The following DLG2 variants were observed in gnomAD, a reference collection of about 807,000 sequenced individuals.
DLG2 encodes discs large MAGUK scaffold protein 2.
Under a neutral mutation model 132.5 loss-of-function variants are expected in DLG2, and 45 were observed. That is an observed-to-expected ratio of 0.34 (90% CI 0.27 to 0.44). The LOEUF is 0.44. DLG2 is among the 20% of genes least tolerant of loss of function. The pLI is 1.00. For missense variants in DLG2, 1,045 were observed against 1,196.9 expected (o/e 0.87, Z 1.87); for synonymous variants, 424 against 419.6 (o/e 1.01, Z -0.13).
chr11:84,215,673 T>A (rs1311301531), intron 8 of DLG2, among the ~76,000 whole-genome samples: 1 of 152,130 alleles, frequency 6.6e-6, no homozygotes, highest in Non-Finnish European at 1.5e-5. Flanking sequence ...AGTGAGCATA[T>A]GTTAGATGAT....
At chr11:85,494,372 G>A (rs1006145124) in intron 3 of DLG2, among the ~76,000 whole-genome samples, 2 of 152,066 alleles carry the variant, frequency 1.3e-5, no homozygotes, top group Non-Finnish European at 2.9e-5. Flanking sequence ...GAACAAAATA[G>A]CTCAGTGTGT....
intron 17 of DLG2, among the ~76,000 whole-genome samples, chr11:83,830,178 TA>T (rs1403876698): frequency 1.3e-5 from 2 of 152,238 alleles, no homozygotes; most frequent in African/African-American, 4.8e-5. Flanking sequence ...ATGTTATACA[TA>T]AAAACGGATA....
At chr11:84,214,489 A>G (rs2096809271) in intron 8 of DLG2, among the ~76,000 whole-genome samples, 1 of 151,886 alleles carries the variant, frequency 6.6e-6, no homozygotes, top group African/African-American at 2.4e-5. Context: ...GTTTTTATAA[A>G]CAAATCCTCA....
At chr11:83,919,659 G>T (rs2154119530) in intron 15 of DLG2, among the ~76,000 whole-genome samples, 2 of 152,280 alleles carry the variant, frequency 1.3e-5, no homozygotes, top group East Asian at 3.9e-4. Flanking sequence ...CCTCAGAAGT[G>T]CTAACCTTAT....
chr11:83,834,672 C>T (rs1290784284), intron 16 of DLG2, among the ~76,000 whole-genome samples: 1 of 152,004 alleles, frequency 6.6e-6, no homozygotes, highest in Non-Finnish European at 1.5e-5. Context: ...TCAGAGAGGA[C>T]TATAAATACA....
intron 18 of DLG2, among the ~76,000 whole-genome samples, chr11:83,759,085 G>T (rs1462765812): frequency 6.6e-6 from 1 of 152,182 alleles, no homozygotes; most frequent in African/African-American, 2.4e-5. Flanking sequence ...GAATGAGTCA[G>T]AAAGATTCTG....
intron 7 of DLG2, among the ~76,000 whole-genome samples, chr11:84,255,904 T>C (rs1488597295): frequency 6.6e-6 from 1 of 152,126 alleles, no homozygotes; most frequent in Admixed American, 6.5e-5. Context: ...GTTTGCCTTT[T>C]ACATGACATT....
At chr11:84,843,466 C>G (rs749897869) in intron 6 of DLG2, among the ~76,000 whole-genome samples, 1 of 151,666 alleles carries the variant, frequency 6.6e-6, no homozygotes, top group Admixed American at 6.6e-5. Context: ...GTACTAAGCA[C>G]GTTAAGTACA....
At chr11:84,189,842 G>A (rs1384087143) in intron 8 of DLG2, among the ~76,000 whole-genome samples, 1 of 152,098 alleles carries the variant, frequency 6.6e-6, no homozygotes, top group Non-Finnish European at 1.5e-5. Flanking sequence ...TGGGGGGAAG[G>A]AGGGCATCAG....
intron 3 of DLG2, among the ~76,000 whole-genome samples, chr11:85,308,391 C>T (rs1596120738): frequency 6.6e-6 from 1 of 152,134 alleles, no homozygotes; most frequent in South Asian, 2.1e-4. Flanking sequence ...CAGACTAAGT[C>T]ACTAAGATTC....
At chr11:84,022,572 T>C (rs2154078864) in intron 11 of DLG2, among the ~76,000 whole-genome samples, 1 of 152,274 alleles carries the variant, frequency 6.6e-6, no homozygotes, top group Admixed American at 6.5e-5. Flanking sequence ...TTCATTCTCT[T>C]CTCCAAAGAA....
intron 6 of DLG2, among the ~76,000 whole-genome samples, chr11:84,600,277 G>A (rs547236535): frequency 1.6e-4 from 24 of 151,926 alleles, no homozygotes; most frequent in East Asian, 5.8e-4. Flanking sequence ...GCGGCAGGCC[G>A]GACACAGGGA....
intron 6 of DLG2, among the ~76,000 whole-genome samples, chr11:84,928,226 C>T (rs10792791): frequency 0.34 from 52,209 of 151,624 alleles, 9,499 homozygotes; most frequent in East Asian, 0.63. Context: ...AGAATCCTTT[C>T]TCTCTTAAAA....
chr11:84,541,222 C>T (rs1361093756), intron 6 of DLG2, among the ~76,000 whole-genome samples: 1 of 148,766 alleles, frequency 6.7e-6, no homozygotes, highest in Non-Finnish European at 1.5e-5. Flanking sequence ...AATAAAGAAA[C>T]TTTGTAAACA....
At chr11:84,918,655 A>C (rs2092610313) in intron 6 of DLG2, among the ~76,000 whole-genome samples, 1 of 152,190 alleles carries the variant, frequency 6.6e-6, no homozygotes. Context: ...GACTCCCTCC[A>C]AACTAGCTGT....
At chr11:84,602,810 C>T (rs1197148910) in intron 6 of DLG2, among the ~76,000 whole-genome samples, 2 of 151,826 alleles carry the variant, frequency 1.3e-5, no homozygotes, top group African/African-American at 4.8e-5. Context: ...ACAATTGTCA[C>T]CTCAAACATT....
intron 5 of DLG2, among the ~76,000 whole-genome samples, chr11:85,126,186 C>T (rs1477371107): frequency 6.6e-6 from 1 of 152,126 alleles, no homozygotes; most frequent in Admixed American, 6.5e-5. Flanking sequence ...GGGAAGGTAA[C>T]ACAGATTTAA....
intron 3 of DLG2, among the ~76,000 whole-genome samples, chr11:85,362,734 T>C (rs1402689560): frequency 6.6e-6 from 1 of 152,174 alleles, no homozygotes; most frequent in African/African-American, 2.4e-5. Context: ...CTTTTTTATC[T>C]TTGACCTCTC....
chr11:85,224,401 C>T (rs1031867756), intron 4 of DLG2, among the ~76,000 whole-genome samples: 3 of 152,138 alleles, frequency 2.0e-5, no homozygotes, highest in African/African-American at 4.8e-5. Context: ...TCCTTCTCTC[C>T]TCATTCTGTT....
Sources: gnomAD v4.1 joint callset for allele counts (sites outside exome capture counted in the v4.1 genomes callset) on GRCh38, gnomAD v4.1.1 for gene constraint, MANE v1.5 for transcripts, NCBI Gene and HGNC (gene_info 2026-07-23, HGNC 2026-07-21) for gene names.